GALNT5: variants seen among roughly 807,000 people sequenced by gnomAD.
GALNT5 encodes the protein polypeptide N-acetylgalactosaminyltransferase 5.
A neutral mutation model predicts 85.4 loss-of-function variants in GALNT5; 72 were observed. The ratio of observed to expected loss-of-function variants is 0.84; its 90% CI spans 0.70 to 1.03. The LOEUF (loss-of-function observed/expected upper bound fraction) is 1.03, where lower values mean the gene tolerates loss of function less well. GALNT5 is among the 50% of genes least tolerant of loss of function. The pLI, the probability that GALNT5 is intolerant of heterozygous loss-of-function variation, is 0.00. For synonymous variants in GALNT5, 404 were observed against 397.0 expected, an observed-to-expected ratio of 1.02 and a Z score of -0.21; for missense variants, 1,137 against 1,135.5, an observed-to-expected ratio of 1.00 and a Z score of -0.02.
chr2:157,311,343 GC>G lies in GALNT5; in HGVS notation c.2820del (p.Ter941GlufsTer3). 1 of 1,597,106 alleles carries G rather than the reference GC, an allele frequency of 6.3e-7. No individual in the cohort carries two copies. Among genetic ancestry groups the G allele is most frequent in the Non-Finnish European group, 8.5e-7 (1 of 1,170,064 alleles). On this transcript the variant is annotated frameshift_variant, in exon 10 of 10. Coordinates refer to ENST00000259056, the MANE Select transcript of GALNT5 (RefSeq NM_014568.3). LOFTEE classifies it high-confidence loss of function. Reference protein sequence around the residue: ...QKWKFEKYYEA With the variant: ...QKWKFEKYYEX ...GTGGAAATTTGAAAAATATTATGAA[GC>G]CTGAAGTGTAACTGATGTTTTTATA...
chr2:157,293,711 G>T (rs1166882815), intron 3 of GALNT5, among the ~76,000 whole-genome samples: 1 of 152,128 alleles, frequency 6.6e-6, no homozygotes, highest in East Asian at 1.9e-4. Context: ...ATGCAAAAAT[G>T]CCATTGTTAA....
Position 157,318,296 on chromosome 2 carries a change from G to A in GALNT5, c.*6948G>A, listed in dbSNP as rs935189210. 1.1e-4 allele frequency among the ~76,000 whole-genome samples: 16 copies of A among 152,194 alleles called. No individual in the cohort carries two copies. Among genetic ancestry groups the A allele is most frequent in the Middle Eastern group, 6.8e-3 (2 of 294 alleles). On this transcript the variant is annotated 3_prime_UTR_variant, in exon 10 of 10. Transcript: ENST00000259056. The stretch of plus-strand genomic sequence containing the variant: ...ATGAAAATGTCAGCATAGTTTAAAT[G>A]TATTACTCTGATGATTACAGAGATT...
chr2:157,285,829 A>G (rs899056133), intron 2 of GALNT5, among the ~76,000 whole-genome samples, 186 bp from the exon 3 acceptor site: 5 of 152,228 alleles, frequency 3.3e-5, no homozygotes, highest in Admixed American at 2.6e-4. Flanking sequence ...ACAGCTTTGA[A>G]TACTGAAACC....
chr2:157,279,391 T>A (rs1206990685), intron 1 of GALNT5, among the ~76,000 whole-genome samples: 1 of 152,234 alleles, frequency 6.6e-6, no homozygotes, highest in Admixed American at 6.5e-5. Flanking sequence ...TCTGCAGAAG[T>A]TGTCTGCTGC....
intron 9 of GALNT5, 90 bp downstream of exon 9, chr2:157,308,818 A>T: frequency 9.8e-7 from 1 of 1,021,194 alleles, no homozygotes; most frequent in Non-Finnish European, 1.4e-6. Flanking sequence ...TTCCTCAGTC[A>T]GAAGTTTTGT....
intron 5 of GALNT5, among the ~76,000 whole-genome samples, chr2:157,297,959 T>C (rs535398934): frequency 2.0e-5 from 3 of 152,350 alleles, no homozygotes; most frequent in African/African-American, 7.2e-5. Flanking sequence ...ACTTATCATC[T>C]TGAGCCTCTG....
intron 1 of GALNT5, among the ~76,000 whole-genome samples, chr2:157,267,465 C>G (rs751222477): frequency 6.6e-6 from 1 of 152,198 alleles, no homozygotes; most frequent in Non-Finnish European, 1.5e-5. Flanking sequence ...AATGTTAATA[C>G]TAGGTGAAGA....
chr2:157,271,703 G>C (rs181702175), intron 1 of GALNT5, among the ~76,000 whole-genome samples: 1 of 152,172 alleles, frequency 6.6e-6, no homozygotes, highest in South Asian at 2.1e-4. Context: ...GTTGGGTTGA[G>C]TGGGGTGAAG....
chr2:157,310,462 G>A (rs1683545638), intron 9 of GALNT5, among the ~76,000 whole-genome samples: 1 of 152,084 alleles, frequency 6.6e-6, no homozygotes, highest in South Asian at 2.1e-4. Flanking sequence ...CAATACTTTT[G>A]TAGCAGCAAT....
At position 157,295,773 on chromosome 2, in the gene GALNT5, G is replaced by A. The variant is rs771999351; in HGVS notation, c.1852G>A (p.Glu618Lys). 10 of 1,608,078 alleles carry A rather than the reference G, an allele frequency of 6.2e-6. No individual in the cohort carries two copies. Among genetic ancestry groups the A allele is most frequent in the African/African-American group, 2.7e-5 (2 of 74,754 alleles). ...SRKKVACPVI[E>K]VINDKDMSYM... ...AAAGAAAGTGGCCTGTCCAGTAATC[G>A]AAGTCATCAATGATAAGGATATGAG... Residue 618 changes from glutamate (E) to lysine (K), a missense_variant, in exon 4 of 10, where the codon GAA (glutamate) becomes AAA (lysine). By Grantham distance (56) the Glu-to-Lys change is moderately conservative. Transcript: ENST00000259056.
Position 157,259,535 on chromosome 2 carries a change from G to A in GALNT5, c.1453G>A (p.Gly485Arg). ...AGCCATTGAAGACACCAGACCTGCT[G>A]GGTAAGACCTATTTCTCTTCTCTTT... ...DRAIEDTRPA[G>R]CAEQLVHNNL... The change falls in exon 1 of 10, where the codon GGA becomes AGA. Residue 485 changes from glycine (G) to arginine (R), a missense_variant and splice_region_variant. Coordinates refer to ENST00000259056, the MANE Select transcript of GALNT5 (RefSeq NM_014568.3). 7.5e-7 allele frequency: 1 copy of A among 1,328,502 alleles called. No individual in the cohort carries two copies. Among genetic ancestry groups the A allele is most frequent in the Non-Finnish European group, 9.7e-7 (1 of 1,030,016 alleles). 82.3% of individuals were successfully genotyped at this position (1,328,502 alleles called of 1,614,324 possible). A position where few individuals can be genotyped will look rare whatever the true frequency, so the allele number is the denominator to read the frequency against.
chr2:157,292,456 C>A (rs1351025034), intron 3 of GALNT5, among the ~76,000 whole-genome samples: 1 of 152,180 alleles, frequency 6.6e-6, no homozygotes, highest in Non-Finnish European at 1.5e-5. Flanking sequence ...ATATAAAATT[C>A]CAGACTATGT....
In GALNT5 at chr2:157,318,191, T is replaced by C. The variant is rs1201345130; in HGVS notation, c.*6843T>C. Reference sequence around the variant, plus strand: ...TATTTTAAATGTTTTCCCTATCACATTGAAAAACTTAAATGTCCGTTCTCC... The same window carrying C: ...TATTTTAAATGTTTTCCCTATCACACTGAAAAACTTAAATGTCCGTTCTCC... On this transcript the variant is annotated 3_prime_UTR_variant, in exon 10 of 10. Coordinates refer to ENST00000259056, the MANE Select transcript of GALNT5 (RefSeq NM_014568.3). Among the ~76,000 whole-genome samples the C allele has an allele frequency of 6.6e-6, 1 of 152,022 alleles. No individual in the cohort carries two copies. Among genetic ancestry groups the C allele is most frequent in the Non-Finnish European group, 1.5e-5 (1 of 67,976 alleles).
At chr2:157,284,160 A>G in intron 1 of GALNT5, 122 bp from the exon 2 acceptor site, 1 of 726,172 alleles carries the variant, frequency 1.4e-6, no homozygotes, top group Non-Finnish European at 2.4e-6. Context: ...TAGATAGACC[A>G]GACAGATCGA....
In GALNT5 at chr2:157,291,662, GA is replaced by G. The variant is rs905267440; in HGVS notation, c.1742-3998del. On this transcript the variant is annotated intron_variant, in intron 3 of 9. Coordinates refer to ENST00000259056, the MANE Select transcript of GALNT5 (RefSeq NM_014568.3). ...CCCCCCAGATTTTTAAGTTACAAAT[GA>G]AACCCATCTGTAAACAATCCAGTAT... Among the ~76,000 whole-genome samples, 4 of 114,438 alleles carry G rather than the reference GA, an allele frequency of 3.5e-5. No homozygotes were observed. In the Admixed American group the frequency reaches 5.3e-4, roughly 15 times the overall value. 75.1% of individuals were successfully genotyped at this position (114,438 alleles called of 152,430 possible).
chr2:157,276,208 C>G (rs1341060432), intron 1 of GALNT5, among the ~76,000 whole-genome samples: 1 of 152,154 alleles, frequency 6.6e-6, no homozygotes, highest in Non-Finnish European at 1.5e-5. Context: ...TGATGTGCCT[C>G]TGGATTCAAT....
rs1199698783 is a variant in GALNT5, at chr2:157,311,573, C to T, written c.*225C>T. 2.4e-6 allele frequency: 1 copy of T among 412,500 alleles called. No individual in the cohort carries two copies. Among genetic ancestry groups the T allele is most frequent in the East Asian group, 4.9e-5 (1 of 20,230 alleles). 25.6% of individuals were successfully genotyped at this position (412,500 alleles called of 1,614,324 possible). On this transcript the variant is annotated 3_prime_UTR_variant, in exon 10 of 10. Coordinates refer to ENST00000259056, the MANE Select transcript of GALNT5 (RefSeq NM_014568.3). ...TCGGAACTGGGTGGCCTTTGAATTG[C>T]CTGCTTTCCACCCTATGCTAGACCT...
At chr2:157,277,064 T>C (rs1005334568) in intron 1 of GALNT5, among the ~76,000 whole-genome samples, 3 of 152,242 alleles carry the variant, frequency 2.0e-5, no homozygotes, top group African/African-American at 7.2e-5. Flanking sequence ...TATTTCTGCC[T>C]TCATTTCGTT....
chr2:157,300,728 A>G lies in GALNT5; in HGVS notation c.2168A>G (p.His723Arg), dbSNP rs138389029. The change falls in exon 7 of 10, where the codon CAT (histidine) becomes CGT (arginine). Residue 723 changes from histidine to arginine, a missense_variant. His to Arg is a conservative substitution (Grantham distance 29, BLOSUM62 0). Transcript: ENST00000259056. ...ATCATTCCCTGCTCCCGAGTGGGCC[A>G]TATATTCAGAAATGACAATCCATAT... is the stretch of plus-strand genomic sequence containing the variant. ...IEIIPCSRVGHIFRNDNPYSF... is the reference protein window; with the variant it reads ...IEIIPCSRVGRIFRNDNPYSF... 6 of 1,613,914 alleles carry G rather than the reference A, an allele frequency of 3.7e-6. No homozygotes were observed. In the African/African-American group the frequency reaches 8.0e-5, roughly 22 times the overall value.
Sources: allele counts gnomAD v4.1 joint callset (sites outside exome capture counted in the v4.1 genomes callset), GRCh38; gene constraint gnomAD v4.1.1; transcripts MANE v1.5; gene names NCBI Gene and HGNC (gene_info 2026-07-23, HGNC 2026-07-21).